The following PAPPA2 variants were observed in gnomAD, a reference collection of about 807,000 sequenced individuals.
PAPPA2 encodes the protein pappalysin 2.
PAPPA2 carries 86 observed loss-of-function variants against 176.4 expected under a neutral mutation model. The observed-to-expected ratio is 0.49, with a 90% confidence interval of 0.41 to 0.58. PAPPA2 has a LOEUF of 0.58. Among genes scored for constraint, PAPPA2 ranks in the 20% least tolerant of loss-of-function variants. The pLI, the probability that PAPPA2 is intolerant of heterozygous loss-of-function variation, is 0.00. For synonymous variants in PAPPA2, 809 were observed against 852.2 expected, an observed-to-expected ratio of 0.95 and a Z score of 0.88; for missense variants, 2,073 against 2,256.9, an observed-to-expected ratio of 0.92 and a Z score of 1.65.
At chr1:176,518,074 A>C (rs533601195) in intron 1 of PAPPA2, among the ~76,000 whole-genome samples, 1 of 152,258 alleles carries the variant, frequency 6.6e-6, no homozygotes, top group African/African-American at 2.4e-5. Context: ...AAACAGGCCA[A>C]GGTGGGAGGA....
At chr1:176,738,930 T>C (rs1662542246) in intron 12 of PAPPA2, among the ~76,000 whole-genome samples, 1 of 152,112 alleles carries the variant, frequency 6.6e-6, no homozygotes, top group Admixed American at 6.6e-5. Flanking sequence ...ACCCTAACCA[T>C]CTAGGGACAT....
chr1:176,588,228 A>G (rs942753841), intron 2 of PAPPA2, among the ~76,000 whole-genome samples: 5 of 152,230 alleles, frequency 3.3e-5, no homozygotes, highest in African/African-American at 9.6e-5. Flanking sequence ...TTGTTGGTGT[A>G]AAGGAATGCT....
intron 21 of PAPPA2, among the ~76,000 whole-genome samples, chr1:176,817,745 G>GA (rs1433995370): frequency 1.3e-5 from 2 of 151,408 alleles, no homozygotes; most frequent in Admixed American, 1.3e-4. Context: ...AAAAAAGAAA[G>GA]AAAGAAAAGA....
At chr1:176,529,467 G>A (rs1039743378) in intron 1 of PAPPA2, among the ~76,000 whole-genome samples, 3 of 152,068 alleles carry the variant, frequency 2.0e-5, no homozygotes, top group South Asian at 4.2e-4. Flanking sequence ...CGATTTCACC[G>A]AGATCCACAC....
rs551889882 is a variant in PAPPA2, at chr1:176,665,734, T to G, written c.1992-5236T>G. ...ACACAGGCATATACTTTCTCTGTAT[T>G]TAACCGAAACTCAACCCTTCTTGCA... On this transcript the variant is annotated intron_variant, in intron 3 of 22. Coordinates refer to ENST00000367662, the MANE Select transcript of PAPPA2 (RefSeq NM_020318.3). Among the ~76,000 whole-genome samples the G allele has an allele frequency of 1.1e-4, 16 of 152,290 alleles. No homozygotes were observed. The South Asian group carries it at 3.1e-3, about 30-fold the overall frequency.
At position 176,710,083 on chromosome 1, in the gene PAPPA2, A is replaced by G. The variant is rs766160839; in HGVS notation, c.3558A>G (p.Gly1186=). The G allele has an allele frequency of 6.2e-7, 1 of 1,613,836 alleles. No homozygotes were observed. Among genetic ancestry groups the G allele is most frequent in the South Asian group, 1.1e-5 (1 of 91,068 alleles). ...IVDCGIYTPK[G]YLDQWATRAY... ...ACTGTGGCATCTACACTCCCAAAGG[A>G]TACTTGGATCAATGGGCTACCCGGG... Residue 1186 remains glycine (G), a synonymous_variant, in exon 11 of 23, where the codon GGA becomes GGG. Coordinates refer to ENST00000367662, the MANE Select transcript of PAPPA2 (RefSeq NM_020318.3).
At position 176,809,951 on chromosome 1, in the gene PAPPA2, AGTGTGTGTGTGTGTGTGT is replaced by A. The variant is rs55858181; in HGVS notation, c.5202+9852_5202+9869del. On this transcript the variant is annotated intron_variant, in intron 21 of 22. Coordinates refer to ENST00000367662, the MANE Select transcript of PAPPA2 (RefSeq NM_020318.3). ...TCTCCTTATTTTTAGGACAAGATGC[AGTGTGTGTGTGTGTGTGT>A]GTGTGTGTGTGTGTGTGTGTGTGTG... Among the ~76,000 whole-genome samples, 161 of 133,794 alleles carry A rather than the reference AGTGTGTGTGTGTGTGTGT, an allele frequency of 1.2e-3. 2 individuals carry two copies. In the Middle Eastern group the frequency reaches 0.019, roughly 16 times the overall value. 87.8% of individuals were successfully genotyped at this position (133,794 alleles called of 152,430 possible).
At chr1:176,516,122 C>A (rs1311103645) in intron 1 of PAPPA2, among the ~76,000 whole-genome samples, 1 of 152,140 alleles carries the variant, frequency 6.6e-6, no homozygotes, top group Non-Finnish European at 1.5e-5. Flanking sequence ...GGAAGAGCAA[C>A]TGTGTAGGGG....
chr1:176,805,192 T>G (rs977371853), intron 21 of PAPPA2, among the ~76,000 whole-genome samples: 1 of 152,194 alleles, frequency 6.6e-6, no homozygotes, highest in Non-Finnish European at 1.5e-5. Flanking sequence ...AAGAAGATTT[T>G]GTTCTCTAGG....
chr1:176,708,426 TAAAC>T (rs1170106993), intron 10 of PAPPA2, among the ~76,000 whole-genome samples: 1 of 151,354 alleles, frequency 6.6e-6, no homozygotes, highest in Non-Finnish European at 1.5e-5. Context: ...GAAAGAAACA[TAAAC>T]AAAAATTTTA....
chr1:176,757,540 G>A (rs1663487002), intron 14 of PAPPA2, among the ~76,000 whole-genome samples: 3 of 151,914 alleles, frequency 2.0e-5, no homozygotes, highest in African/African-American at 4.8e-5. Context: ...CTTTGCCTAC[G>A]TTTTGATGGG....
At chr1:176,538,206 C>T (rs1650173483) in intron 1 of PAPPA2, among the ~76,000 whole-genome samples, 1 of 152,188 alleles carries the variant, frequency 6.6e-6, no homozygotes, top group African/African-American at 2.4e-5. Context: ...TCTCCCCTTT[C>T]TCCTTTCCCA....
chr1:176,653,977 C>T (rs1278603437), intron 3 of PAPPA2, among the ~76,000 whole-genome samples: 1 of 151,530 alleles, frequency 6.6e-6, no homozygotes, highest in African/African-American at 2.4e-5. Context: ...TTTTCTTCTG[C>T]CTATTTTTTT....
intron 3 of PAPPA2, among the ~76,000 whole-genome samples, chr1:176,647,404 C>T (rs994308621): frequency 2.6e-5 from 4 of 151,586 alleles, no homozygotes; most frequent in Admixed American, 1.3e-4. Context: ...TATGCAGAAG[C>T]TTTTTCACTT....
intron 2 of PAPPA2, among the ~76,000 whole-genome samples, chr1:176,562,203 G>A (rs992681156): frequency 6.6e-6 from 1 of 152,076 alleles, no homozygotes; most frequent in Non-Finnish European, 1.5e-5. Context: ...GGCCTATATT[G>A]GTAAGTGTTG....
At chr1:176,548,642 C>T (rs764854660) in intron 1 of PAPPA2, among the ~76,000 whole-genome samples, 6 of 151,998 alleles carry the variant, frequency 3.9e-5, no homozygotes, top group African/African-American at 9.7e-5. Context: ...CTTTTCCAGG[C>T]GAATGAACTT....
At chr1:176,664,307 C>T (rs6699565) in intron 3 of PAPPA2, among the ~76,000 whole-genome samples, 11,258 of 152,168 alleles carry the variant, frequency 0.074, 1,377 homozygotes, top group African/African-American at 0.26. Flanking sequence ...TTCTAGAGGA[C>T]GATCTACTGC....
intron 5 of PAPPA2, 81 bp from the exon 6 acceptor site, chr1:176,692,045 A>C: frequency 7.3e-7 from 1 of 1,372,826 alleles, no homozygotes; most frequent in East Asian, 2.3e-5. Context: ...AGCCATGAAC[A>C]AGACACAAAT....
In PAPPA2 at chr1:176,710,172, C is replaced by A. The variant is rs1237027073; in HGVS notation, c.3647C>A (p.Ser1216Tyr). ...PVSLVTGEPHSLICTSYHPDL... is the reference protein window; with the variant it reads ...PVSLVTGEPHYLICTSYHPDL... ...TCCTTGGTAACTGGAGAACCTCATTCCCTAGTAAGTTAAGCCAGATGAATA... is the reference window on the plus strand; with the variant it reads ...TCCTTGGTAACTGGAGAACCTCATTACCTAGTAAGTTAAGCCAGATGAATA... The change falls in exon 11 of 23, where the codon TCC becomes TAC. Residue 1216 changes from serine to tyrosine, a missense_variant. Physicochemically the swap from Ser to Tyr is moderately radical, Grantham distance 144. Transcript: ENST00000367662. 1.2e-6 allele frequency: 2 copies of A among 1,613,036 alleles called. No individual in the cohort carries two copies. Among genetic ancestry groups the A allele is most frequent in the Non-Finnish European group, 1.7e-6 (2 of 1,179,390 alleles).
Sources: allele counts gnomAD v4.1 joint callset (sites outside exome capture counted in the v4.1 genomes callset), GRCh38; gene constraint gnomAD v4.1.1; transcripts MANE v1.5; gene names NCBI Gene and HGNC (gene_info 2026-07-23, HGNC 2026-07-21).